The following FLVCR1 variants were observed in gnomAD, a reference collection of about 807,000 sequenced individuals.
The protein encoded by FLVCR1 is choline/ethanolamine transporter FLVCR1.
A neutral mutation model predicts 53.6 loss-of-function variants in FLVCR1; 34 were observed. The ratio of observed to expected loss-of-function variants is 0.63; its 90% CI spans 0.48 to 0.84. The LOEUF (loss-of-function observed/expected upper bound fraction) is 0.84. Ranked by LOEUF, FLVCR1 falls within the 40% of genes least tolerant of loss-of-function variation. The pLI, the probability that FLVCR1 is intolerant of heterozygous loss-of-function variation, is 0.00. For missense variants in FLVCR1, 677 were observed against 696.7 expected, an observed-to-expected ratio of 0.97 and a Z score of 0.32; for synonymous variants, 300 against 286.3, an observed-to-expected ratio of 1.05 and a Z score of -0.48.
At chr1:212,873,322 A>AG (rs905870629) in intron 3 of FLVCR1, among the ~76,000 whole-genome samples, 1 of 150,552 alleles carries the variant, frequency 6.6e-6, no homozygotes, top group African/African-American at 2.4e-5. Flanking sequence ...AAAAAAAAAT[A>AG]AAAGAAAGAA....
intron 2 of FLVCR1, among the ~76,000 whole-genome samples, chr1:212,865,329 T>A (rs1177585109): frequency 2.0e-5 from 3 of 147,532 alleles, no homozygotes; most frequent in African/African-American, 7.6e-5. Flanking sequence ...CCTTCCAGTG[T>A]CCATGTGTTC....
intron 3 of FLVCR1, among the ~76,000 whole-genome samples, chr1:212,882,189 T>C (rs970423759): frequency 6.6e-6 from 1 of 152,160 alleles, no homozygotes; most frequent in Non-Finnish European, 1.5e-5. Flanking sequence ...ATAATACTCA[T>C]TGCAGTCTTG....
rs144226457 is a variant in FLVCR1, at chr1:212,895,241, A to G, written c.1619A>G (p.Gln540Arg). ...KAIPADSPTD[Q>R]EPKTVMLSKQ... The stretch of plus-strand genomic sequence containing the variant: ...ATACCAGCTGACAGTCCCACAGACC[A>G]AGAACCAAAAACGGTTATGTTGTCC... Residue 540 changes from glutamine (Q) to arginine (R), a missense_variant, in exon 10 of 10, where the codon CAA becomes CGA. Physicochemically the swap from Gln to Arg is conservative, Grantham distance 43 (BLOSUM62 1). Coordinates refer to ENST00000366971, the MANE Select transcript of FLVCR1 (RefSeq NM_014053.4). 2.4e-5 allele frequency: 38 copies of G among 1,613,494 alleles called. No homozygotes were observed. In the African/African-American group the frequency reaches 4.8e-4, roughly 20 times the overall value.
At chr1:212,859,577 G>T (rs1434500685) in intron 1 of FLVCR1, among the ~76,000 whole-genome samples, 1 of 152,048 alleles carries the variant, frequency 6.6e-6, no homozygotes, top group Non-Finnish European at 1.5e-5. Context: ...AATTAGCCAG[G>T]CCTGCTTGCG....
intron 3 of FLVCR1, among the ~76,000 whole-genome samples, chr1:212,878,916 G>A (rs186111353): frequency 1.2e-3 from 187 of 152,134 alleles, no homozygotes; most frequent in Middle Eastern, 3.4e-3. Flanking sequence ...TTGAGCCCAG[G>A]AGGTCAAGGC....
intron 3 of FLVCR1, among the ~76,000 whole-genome samples, chr1:212,880,650 T>C (rs531257756): frequency 1.1e-4 from 17 of 152,096 alleles, no homozygotes; most frequent in African/African-American, 4.1e-4. Flanking sequence ...ATACAAAAAT[T>C]AGCCAGGTGT....
intron 2 of FLVCR1, among the ~76,000 whole-genome samples, chr1:212,868,284 A>G (rs1558110596): frequency 6.6e-6 from 1 of 152,124 alleles, no homozygotes; most frequent in East Asian, 1.9e-4. Flanking sequence ...TTTTTTGTAG[A>G]CAGGGTTTCA....
At chr1:212,881,325 A>C (rs1382087150) in intron 3 of FLVCR1, among the ~76,000 whole-genome samples, 1 of 124,836 alleles carries the variant, frequency 8.0e-6, no homozygotes, top group Non-Finnish European at 1.7e-5. Flanking sequence ...TTTTTGAGAC[A>C]GAGTCTCACT....
intron 4 of FLVCR1, among the ~76,000 whole-genome samples, chr1:212,883,747 A>G (rs1339901423): frequency 6.6e-6 from 1 of 152,196 alleles, no homozygotes; most frequent in South Asian, 2.1e-4. Context: ...GAAACAAGGA[A>G]CAAAGAGCAG....
intron 4 of FLVCR1, among the ~76,000 whole-genome samples, chr1:212,884,364 C>T (rs1415022154): frequency 1.3e-5 from 2 of 151,984 alleles, no homozygotes; most frequent in Non-Finnish European, 2.9e-5. Context: ...CGCCACTGTA[C>T]TCCAGCCTAG....
intron 8 of FLVCR1, 99 bp downstream of exon 8, chr1:212,889,356 A>G (rs950676274): frequency 2.6e-6 from 2 of 776,016 alleles, no homozygotes; most frequent in African/African-American, 1.7e-5. Flanking sequence ...GGGGAAAAAA[A>G]TGAGATAAAA....
At chr1:212,882,764 T>C (rs761378585) in intron 3 of FLVCR1, among the ~76,000 whole-genome samples, 37 of 150,472 alleles carry the variant, frequency 2.5e-4, no homozygotes, top group Non-Finnish European at 3.6e-4. Flanking sequence ...AGCCAGTTGT[T>C]TTTATTGTTC....
chr1:212,863,455 GGC>G (rs1219473897), intron 1 of FLVCR1, among the ~76,000 whole-genome samples: 1 of 151,946 alleles, frequency 6.6e-6, no homozygotes, highest in Non-Finnish European at 1.5e-5. Flanking sequence ...TGGGCGTTGT[GGC>G]GCGCGCCTGT....
chr1:212,878,119 A>G (rs1664813795), intron 3 of FLVCR1, among the ~76,000 whole-genome samples: 1 of 152,144 alleles, frequency 6.6e-6, no homozygotes, highest in Non-Finnish European at 1.5e-5. Context: ...GACATTAGTT[A>G]CATTAGAGAC....
At chr1:212,887,798 C>G in intron 5 of FLVCR1, 93 bp from the exon 6 acceptor site, 1 of 702,252 alleles carries the variant, frequency 1.4e-6, no homozygotes, top group Non-Finnish European at 2.6e-6. Flanking sequence ...CTTTGAAAAA[C>G]AAAGATTCAT....
intron 2 of FLVCR1, among the ~76,000 whole-genome samples, chr1:212,865,553 G>C (rs1226772305): frequency 2.0e-5 from 3 of 146,820 alleles, no homozygotes; most frequent in African/African-American, 7.7e-5. Context: ...CATGATCTCA[G>C]CTCACTGAAA....
intron 3 of FLVCR1, among the ~76,000 whole-genome samples, chr1:212,874,916 T>TACACACACAC (rs57061343): frequency 0.35 from 51,897 of 149,222 alleles, 9,965 homozygotes; most frequent in South Asian, 0.47. Context: ...GTCACAGACG[T>TACACACACAC]ACACACACAC....
chr1:212,875,848 A>G (rs532928665), intron 3 of FLVCR1, among the ~76,000 whole-genome samples: 84 of 150,414 alleles, frequency 5.6e-4, no homozygotes, highest in Middle Eastern at 3.4e-3. Context: ...CTGAGAAAAA[A>G]AAAAACAAAA....
rs1300065424 is a variant in FLVCR1, at chr1:212,881,391, T to G, written c.1025-1980T>G. On this transcript the variant is annotated intron_variant, in intron 3 of 9. Coordinates refer to ENST00000366971, the MANE Select transcript of FLVCR1 (RefSeq NM_014053.4). ...TCTCGCTCTGTCACCCAGGCTGGAG[T>G]GCAGTGGCACAATCTCGGCTCACTG... is the stretch of plus-strand genomic sequence containing the variant. 2.1e-5 allele frequency among the ~76,000 whole-genome samples: 3 copies of G among 145,844 alleles called. No individual in the cohort carries two copies. In the East Asian group the frequency reaches 6.2e-4, roughly 30 times the overall value.
Sources: gnomAD v4.1 joint callset for allele counts (sites outside exome capture counted in the v4.1 genomes callset) on GRCh38, gnomAD v4.1.1 for gene constraint, MANE v1.5 for transcripts, NCBI Gene and HGNC (gene_info 2026-07-23, HGNC 2026-07-21) for gene names.